The following ATM variants were observed in gnomAD, a reference collection of about 807,000 sequenced individuals.
ATM encodes serine-protein kinase ATM.
A neutral mutation model predicts 387.0 loss-of-function variants in ATM; 308 were observed. The observed-to-expected ratio is 0.80, with a 90% CI of 0.73 to 0.87. The LOEUF (loss-of-function observed/expected upper bound fraction) is 0.87. Among genes scored for constraint, ATM ranks in the 40% least tolerant of loss-of-function variants. The pLI is 0.00. For missense variants in ATM, 3,312 were observed against 3,560.9 expected (o/e 0.93, Z 1.78); for synonymous variants, 1,156 against 1,187.3 (o/e 0.97, Z 0.54).
At chr11:108,267,003 C>T (rs1474517904) in intron 16 of ATM, among the ~76,000 whole-genome samples, 168 bp from the exon 17 acceptor site, 1 of 152,022 alleles carries the variant, frequency 6.6e-6, no homozygotes, top group African/African-American at 2.4e-5. Flanking sequence ...ACCATGTTGG[C>T]CAGGCTGGTT....
chr11:108,225,950 T>A (rs930927436), intron 1 of ATM: 1 of 152,056 alleles, frequency 6.6e-6, no homozygotes, highest in African/African-American at 2.4e-5. Context: ...TAAGTAGAAT[T>A]TAGATGGATG....
At chr11:108,337,951 C>T (rs148890344) in intron 56 of ATM, among the ~76,000 whole-genome samples, 56 of 152,344 alleles carry the variant, frequency 3.7e-4, no homozygotes, top group African/African-American at 1.2e-3. Flanking sequence ...AATGCCTGAC[C>T]TAGAATATCT....
intron 44 of ATM, 80 bp downstream of exon 44, chr11:108,320,138 A>C: frequency 9.0e-6 from 10 of 1,117,028 alleles, no homozygotes; most frequent in Non-Finnish European, 1.4e-5. Context: ...AAACAATTTT[A>C]ATGTAAGGAT....
At chr11:108,362,885 C>T (rs1330601066) in intron 61 of ATM, among the ~76,000 whole-genome samples, 2 of 151,380 alleles carry the variant, frequency 1.3e-5, no homozygotes, top group Non-Finnish European at 2.9e-5. Flanking sequence ...ACCAGCATGG[C>T]ATATGTATAC....
chr11:108,279,576 T>A lies in ATM; in HGVS notation c.3370T>A (p.Tyr1124Asn), dbSNP rs2082121841. The change falls in exon 23 of 63, where the codon TAC becomes AAC. Residue 1124 changes from tyrosine to asparagine, a missense_variant. Tyr to Asn is a moderately radical substitution (Grantham distance 143). Coordinates refer to ENST00000675843, the MANE Select transcript of ATM (RefSeq NM_000051.4). ...TCAGCAAACAGCTTTTGAAAATGCA[T>A]ACTTGAAAGCTCAGGAAGGAATGAG... is the stretch of plus-strand genomic sequence containing the variant. ...KLQQTAFENA[Y>N]LKAQEGMREM... 1 of 1,613,188 alleles carries A rather than the reference T, an allele frequency of 6.2e-7. No individual in the cohort carries two copies. The highest frequency in any genetic ancestry group is 8.5e-7 in the Non-Finnish European group (1 of 1,179,248).
At chr11:108,283,871 T>TC (rs1830630146) in intron 25 of ATM, among the ~76,000 whole-genome samples, 1 of 152,174 alleles carries the variant, frequency 6.6e-6, no homozygotes, top group South Asian at 2.1e-4. Flanking sequence ...TTTTCAAGGG[T>TC]CAACTGCATT....
rs1443277991 is a variant in ATM, at chr11:108,365,748, T to C, written c.*240T>C. 1 of 543,750 alleles carries C rather than the reference T, an allele frequency of 1.8e-6. No homozygotes were observed. Among genetic ancestry groups the C allele is most frequent in the Admixed American group, 3.3e-5 (1 of 30,560 alleles). 33.7% of individuals were successfully genotyped at this position (543,750 alleles called of 1,614,324 possible). A position where few individuals can be genotyped will look rare whatever the true frequency, so the allele number is the denominator to read the frequency against. On this transcript the variant is annotated 3_prime_UTR_variant, in exon 63 of 63. Coordinates refer to ENST00000675843, the MANE Select transcript of ATM (RefSeq NM_000051.4). ...GGTCATTCGGGCTGGGCGCAGCGGC[T>C]CACGCCTGTAATCCCAGCACTTTGG...
At position 108,297,374 on chromosome 11, in the gene ATM, A is replaced by C. The variant is rs1457261046; in HGVS notation, c.4997A>C (p.Glu1666Ala). 1.9e-6 allele frequency: 3 copies of C among 1,613,480 alleles called. No homozygotes were observed. Among genetic ancestry groups the C allele is most frequent in the Non-Finnish European group, 2.5e-6 (3 of 1,179,586 alleles). Residue 1666 changes from glutamate to alanine, a missense_variant, in exon 33 of 63, where the codon GAA becomes GCA. Physicochemically the swap from Glu to Ala is moderately radical, Grantham distance 107 (BLOSUM62 -1). This residue lies in a region of ATM where 1,405 missense variants were observed against 1,604.4 expected (regional missense o/e 0.88). Transcript: ENST00000675843. Reference sequence around the variant, plus strand: ...GCAATAAACCACACTGGTGAAAAAGAAGTTCTAGGTAAACTACAGTCATGC... The same window carrying C: ...GCAATAAACCACACTGGTGAAAAAGCAGTTCTAGGTAAACTACAGTCATGC... ...KMAINHTGEK[E>A]VLEAVGSCLG...
At chr11:108,317,674 CTA>C (rs1241876600) in intron 43 of ATM, among the ~76,000 whole-genome samples, 153 bp downstream of exon 43, 4 of 129,296 alleles carry the variant, frequency 3.1e-5, no homozygotes, top group South Asian at 2.4e-4. Context: ...CACACACACA[CTA>C]TATATATATA....
In ATM at chr11:108,316,753, C is replaced by CAAA. The variant is rs58165074; in HGVS notation, c.6199-599_6199-597dup. Among the ~76,000 whole-genome samples the CAAA allele has an allele frequency of 3.1e-3, 228 of 72,410 alleles. 6 individuals carry two copies. The highest frequency in any genetic ancestry group is 0.01 in the African/African-American group (189 of 18,124). The allele number at this position is 72,410 out of a possible 152,430, so 47.5% of individuals were successfully genotyped here. A position where few individuals can be genotyped will look rare whatever the true frequency, so the allele number is the denominator to read the frequency against. On this transcript the variant is annotated intron_variant, in intron 42 of 62. Coordinates refer to ENST00000675843, the MANE Select transcript of ATM (RefSeq NM_000051.4). ...TGAAACCCCGTCTCTACTAAAAATA[C>CAAA]AAAAAAAAAAAAAAAAAAAAAAATT...
At chr11:108,295,288 T>C in intron 32 of ATM, 2 of 512,658 alleles carry the variant, frequency 3.9e-6, no homozygotes, top group South Asian at 2.3e-5. Context: ...AACCCAAATA[T>C]GATCATGTTT....
chr11:108,232,636 C>T lies in ATM; in HGVS notation c.332-3034C>T, dbSNP rs578028721. Among the ~76,000 whole-genome samples, 8 of 137,776 alleles carry T rather than the reference C, an allele frequency of 5.8e-5. No homozygotes were observed. In the East Asian group the frequency reaches 6.9e-4, roughly 12 times the overall value. The allele number at this position is 137,776 out of a possible 152,430, so 90.4% of individuals were successfully genotyped here. A position where few individuals can be genotyped will look rare whatever the true frequency, so the allele number is the denominator to read the frequency against. ...CTCACTGCAGCCTCTTCTTCCTGGG[C>T]GCAAGCGATTCTCACGTGTCAGCCT... is the stretch of plus-strand genomic sequence containing the variant. On this transcript the variant is annotated intron_variant, in intron 4 of 62. Transcript: ENST00000675843.
chr11:108,331,167 T>C, intron 50 of ATM: 2 of 1,127,316 alleles, frequency 1.8e-6, no homozygotes, highest in South Asian at 4.9e-5. Flanking sequence ...TTGTCTTCCT[T>C]AGATTTTTTG....
Position 108,345,805 on chromosome 11 carries a change from T to G in ATM, c.8481T>G (p.Phe2827Leu), listed in dbSNP as rs886047614. The G allele has an allele frequency of 6.2e-7, 1 of 1,613,922 alleles. No individual in the cohort carries two copies. The change falls in exon 58 of 63, where the codon TTT becomes TTG. Residue 2827 changes from phenylalanine to leucine, a missense_variant. Coordinates refer to ENST00000675843, the MANE Select transcript of ATM (RefSeq NM_000051.4). ...YEVFMDVCQN[F>L]QPVFRYFCME... ...TCTTCATGGATGTTTGCCAAAATTTTCAACCAGTTTTCCGTTACTTCTGCA... is the reference window on the plus strand; with the variant it reads ...TCTTCATGGATGTTTGCCAAAATTTGCAACCAGTTTTCCGTTACTTCTGCA...
At chr11:108,237,485 C>A (rs1465853248) in intron 5 of ATM, among the ~76,000 whole-genome samples, 1 of 150,000 alleles carries the variant, frequency 6.7e-6, no homozygotes, top group East Asian at 1.9e-4. Flanking sequence ...TTTCTTTTTT[C>A]TTTTTATTTA....
intron 60 of ATM, 61 bp from the exon 61 acceptor site, chr11:108,354,750 A>AAGAT (rs775653463): frequency 8.4e-5 from 116 of 1,377,284 alleles, no homozygotes; most frequent in Middle Eastern, 1.8e-4. Context: ...TATACAGATA[A>AAGAT]AGATACGTTG....
intron 29 of ATM, 170 bp downstream of exon 29, chr11:108,289,971 C>G: frequency 1.7e-6 from 1 of 592,788 alleles, no homozygotes; most frequent in South Asian, 2.1e-5. Context: ...TATCCTTCCT[C>G]CTCACCCTGC....
At chr11:108,240,090 T>C (rs2079481157) in intron 5 of ATM, among the ~76,000 whole-genome samples, 1 of 152,228 alleles carries the variant, frequency 6.6e-6, no homozygotes, top group Admixed American at 6.5e-5. Flanking sequence ...TCAGTAAACC[T>C]ATGCTGGGAC....
In ATM at chr11:108,335,878, C is replaced by T. The variant is rs587781967; in HGVS notation, c.8185C>T (p.Gln2729Ter). Reference protein sequence around the residue: ...RDDLRQDAVMQQVFQMCNTLL... With the variant: ...RDDLRQDAVM ...TGACCTGAGACAAGATGCTGTCATG[C>T]AACAGGTCTTCCAGATGTGTAATAC... is the stretch of plus-strand genomic sequence containing the variant. Residue 2729 changes from glutamine to a stop codon, truncating the protein, a stop_gained, in exon 56 of 63, where the codon CAA (glutamine) becomes TAA (stop). Coordinates refer to ENST00000675843, the MANE Select transcript of ATM (RefSeq NM_000051.4). LOFTEE classifies it high-confidence loss of function. 2 of 1,613,902 alleles carry T rather than the reference C, an allele frequency of 1.2e-6. No individual in the cohort carries two copies. Among genetic ancestry groups the T allele is most frequent in the Middle Eastern group, 1.6e-4 (1 of 6,062 alleles).
Sources: allele counts gnomAD v4.1 joint callset (sites outside exome capture counted in the v4.1 genomes callset), GRCh38; gene constraint gnomAD v4.1.1; regional missense constraint gnomAD v4.1.1; transcripts MANE v1.5; gene names NCBI Gene and HGNC (gene_info 2026-07-23, HGNC 2026-07-21).